CNOT1: variants seen among roughly 807,000 people sequenced by gnomAD.
CNOT1 encodes the protein CCR4-associated factor 1.
A neutral mutation model predicts 273.8 loss-of-function variants in CNOT1; 15 were observed. That is an observed-to-expected ratio of 0.05 (90% CI 0.04 to 0.08). The LOEUF is 0.08. CNOT1 is among the 10% of genes least tolerant of loss of function. The pLI is 1.00. For synonymous variants in CNOT1, 1,022 were observed against 1,005.5 expected, an observed-to-expected ratio of 1.02 and a Z score of -0.31; for missense variants, 1,644 against 2,912.2, an observed-to-expected ratio of 0.56 and a Z score of 10.02.
chr16:58,555,347 C>T lies in CNOT1; in HGVS notation c.2795G>A (p.Gly932Asp), dbSNP rs756920813. The T allele has an allele frequency of 6.2e-7, 1 of 1,614,202 alleles. No homozygotes were observed. The change falls in exon 21 of 49, where the codon GGT (glycine) becomes GAT (aspartate). Residue 932 changes from glycine to aspartate, a missense_variant. By Grantham distance (94) the Gly-to-Asp change is moderately conservative. This residue lies in a region of CNOT1 where 74 missense variants were observed against 184.6 expected (regional missense o/e 0.40). Coordinates refer to ENST00000317147, the MANE Select transcript of CNOT1 (RefSeq NM_016284.5). ...EKGLVTYMAL[G>D]LALRYVLEAL... ...TTCAAGAACATATCGTAGAGCCAGA[C>T]CTAGTGCCATGTAAGTGACCAGTCC...
At chr16:58,601,754 A>AAAAAAAAAAAAC (rs60651934) in intron 1 of CNOT1, among the ~76,000 whole-genome samples, 4 of 132,978 alleles carry the variant, frequency 3.0e-5, no homozygotes, top group Non-Finnish European at 6.3e-5. Flanking sequence ...AAAAAAAAAA[A>AAAAAAAAAAAAC]GCCTGTGCAC....
In CNOT1 at chr16:58,530,338, T is replaced by A; in HGVS notation, c.6187A>T (p.Met2063Leu). Residue 2063 changes from methionine (M) to leucine (L), a missense_variant, in exon 43 of 49, where the codon ATG becomes TTG. Physicochemically the swap from Met to Leu is conservative, Grantham distance 15 (BLOSUM62 2). Around this residue, in one of 13 missense-constraint regions of CNOT1, gnomAD observed 7 missense variants for 35.6 expected, o/e 0.20. Transcript: ENST00000317147. Reference protein sequence around the residue: ...AHTPQQKGWPMYAQLLIDLFK... With the variant: ...AHTPQQKGWPLYAQLLIDLFK... ...AAATCAATCAGTAGCTGTGCATACA[T>A]AGGCCACCCCTGAAAGAAAGAAATG... is the stretch of plus-strand genomic sequence containing the variant. 6.2e-7 allele frequency: 1 copy of A among 1,609,130 alleles called. No homozygotes were observed. The highest frequency in any genetic ancestry group is 8.5e-7 in the Non-Finnish European group (1 of 1,177,134).
At chr16:58,618,456 T>C (rs1002850376) in intron 1 of CNOT1, among the ~76,000 whole-genome samples, 1 of 151,718 alleles carries the variant, frequency 6.6e-6, no homozygotes, top group Non-Finnish European at 1.5e-5. Context: ...GTGGTGCACA[T>C]CTGTAATCCC....
At chr16:58,545,941 A>AC (rs1303565018) in intron 29 of CNOT1, among the ~76,000 whole-genome samples, 11 of 152,184 alleles carry the variant, frequency 7.2e-5, no homozygotes, top group Admixed American at 2.6e-4. Context: ...CATGTAGATA[A>AC]AACAGTCCCA....
intron 10 of CNOT1, among the ~76,000 whole-genome samples, chr16:58,582,341 T>C (rs1475389129): frequency 2.0e-5 from 3 of 152,068 alleles, no homozygotes; most frequent in Non-Finnish European, 2.9e-5. Context: ...GTACAATGGC[T>C]CACGCTTGTA....
At chr16:58,550,049 G>T in intron 24 of CNOT1, 151 bp from the exon 25 acceptor site, 1 of 1,237,598 alleles carries the variant, frequency 8.1e-7, no homozygotes. Context: ...TAGATGCTAT[G>T]AAGAAAAGTA....
intron 21 of CNOT1, among the ~76,000 whole-genome samples, chr16:58,554,233 G>A (rs1323200369): frequency 2.6e-5 from 4 of 151,436 alleles, no homozygotes; most frequent in African/African-American, 7.3e-5. Flanking sequence ...CTACTGAAAC[G>A]TAGTAACGTA....
chr16:58,607,083 G>A (rs1185178524), intron 1 of CNOT1, among the ~76,000 whole-genome samples: 2 of 152,122 alleles, frequency 1.3e-5, no homozygotes, highest in Non-Finnish European at 2.9e-5. Flanking sequence ...GACACTAAGT[G>A]ACTAAGTGAA....
At chr16:58,593,292 G>C (rs2042128196) in intron 2 of CNOT1, among the ~76,000 whole-genome samples, 1 of 152,126 alleles carries the variant, frequency 6.6e-6, no homozygotes, top group South Asian at 2.1e-4. Context: ...GGGCGCAGTG[G>C]CTCACACCTG....
chr16:58,533,492 C>T (rs1260963364), intron 40 of CNOT1, among the ~76,000 whole-genome samples: 6 of 152,108 alleles, frequency 3.9e-5, no homozygotes, highest in South Asian at 2.1e-4. Flanking sequence ...AAAAATTAGC[C>T]GGGCGCGGTG....
chr16:58,595,041 G>A (rs943822763), intron 2 of CNOT1, among the ~76,000 whole-genome samples: 1 of 151,788 alleles, frequency 6.6e-6, no homozygotes, highest in Non-Finnish European at 1.5e-5. Context: ...TTGAACCCGG[G>A]AGGCGGAGGT....
chr16:58,627,682 G>C (rs1018479072), intron 1 of CNOT1, among the ~76,000 whole-genome samples: 2 of 151,880 alleles, frequency 1.3e-5, no homozygotes, highest in East Asian at 3.9e-4. Flanking sequence ...AAATGAACCC[G>C]GGGTGTTAAG....
Position 58,546,361 on chromosome 16 carries a change from A to C in CNOT1, c.3966T>G (p.Asp1322Glu). 1 of 1,613,946 alleles carries C rather than the reference A, an allele frequency of 6.2e-7. No individual in the cohort carries two copies. Among genetic ancestry groups the C allele is most frequent in the Non-Finnish European group, 8.5e-7 (1 of 1,179,918 alleles). ...LDEQLSAPKKDVKQPEELPPI... is the reference protein window; with the variant it reads ...LDEQLSAPKKEVKQPEELPPI... Reference sequence around the variant, plus strand: ...GAGGGAGTTCTTCTGGCTGCTTGACATCTTTCTTTGGAGCAGAGAGTTGCT... The same window carrying C: ...GAGGGAGTTCTTCTGGCTGCTTGACCTCTTTCTTTGGAGCAGAGAGTTGCT... The change falls in exon 29 of 49, where the codon GAT becomes GAG. Residue 1322 changes from aspartate to glutamate, a missense_variant. Asp to Glu is a conservative substitution (Grantham distance 45, BLOSUM62 2). Transcript: ENST00000317147.
At chr16:58,554,935 C>CAAGAAAAAAA (rs2040580610) in intron 21 of CNOT1, among the ~76,000 whole-genome samples, 1 of 78,910 alleles carries the variant, frequency 1.3e-5, no homozygotes, top group Non-Finnish European at 2.4e-5. Flanking sequence ...GACTCCATCT[C>CAAGAAAAAAA]AAAAAAAAAA....
chr16:58,621,564 C>G lies in CNOT1; in HGVS notation c.-175+8164G>C, dbSNP rs369341733. Among the ~76,000 whole-genome samples the G allele has an allele frequency of 1.4e-4, 21 of 151,352 alleles. No homozygotes were observed. In the East Asian group the frequency reaches 3.2e-3, roughly 23 times the overall value. On this transcript the variant is annotated intron_variant, in intron 1 of 48. Transcript: ENST00000317147. ...CTAGGATTACAGGCATGAGCCACCA[C>G]GCCTGGCAACTATTCTTGTTAGCAA...
chr16:58,575,055 T>C lies in CNOT1; in HGVS notation c.1779A>G (p.Glu593=), dbSNP rs764060590. 23 of 1,614,034 alleles carry C rather than the reference T, an allele frequency of 1.4e-5. No individual in the cohort carries two copies. In the South Asian group the frequency reaches 2.5e-4, roughly 18 times the overall value. ...IDLAALASRR[E]YLKLDKWLTD... ...TGAGCCACTTATCAAGTTTGAGGTATTCACGACGTGAAGCAAGTGCAGCAA... is the reference window on the plus strand; with the variant it reads ...TGAGCCACTTATCAAGTTTGAGGTACTCACGACGTGAAGCAAGTGCAGCAA... The change falls in exon 15 of 49, where the codon GAA becomes GAG. Residue 593 remains glutamate (E), a synonymous_variant. Transcript: ENST00000317147.
chr16:58,584,269 C>G (rs867853867), intron 8 of CNOT1, among the ~76,000 whole-genome samples: 1 of 152,074 alleles, frequency 6.6e-6, no homozygotes, highest in Admixed American at 6.6e-5. Flanking sequence ...ATTTTAACAT[C>G]CAAAGTGAGT....
intron 39 of CNOT1, among the ~76,000 whole-genome samples, 181 bp from the exon 40 acceptor site, chr16:58,534,576 T>C (rs1170250064): frequency 6.6e-6 from 1 of 152,216 alleles, no homozygotes; most frequent in African/African-American, 2.4e-5. Context: ...ATGACAGAAT[T>C]CCTCCAGTTT....
chr16:58,600,406 C>A (rs1368631584), intron 1 of CNOT1, among the ~76,000 whole-genome samples: 1 of 152,128 alleles, frequency 6.6e-6, no homozygotes, highest in East Asian at 1.9e-4. Context: ...TCTATTTTAC[C>A]TATTTCAAAA....
Sources: allele counts gnomAD v4.1 joint callset (sites outside exome capture counted in the v4.1 genomes callset), GRCh38; gene constraint gnomAD v4.1.1; regional missense constraint gnomAD v4.1.1; transcripts MANE v1.5; gene names NCBI Gene and HGNC (gene_info 2026-07-23, HGNC 2026-07-21).